The following NFIC variants were observed in gnomAD, a reference collection of about 807,000 sequenced individuals.
NFIC encodes the protein nuclear factor I C.
A neutral mutation model predicts 54.4 loss-of-function variants in NFIC; 12 were observed. The ratio of observed to expected loss-of-function variants is 0.22; its 90% CI spans 0.14 to 0.36. The LOEUF is 0.36. Ranked by LOEUF, NFIC falls within the 10% of genes least tolerant of loss-of-function variation. NFIC has a pLI of 1.00. For synonymous variants in NFIC, 322 were observed against 319.2 expected, an observed-to-expected ratio of 1.01 and a Z score of -0.09; for missense variants, 575 against 718.2, an observed-to-expected ratio of 0.80 and a Z score of 2.28.
chr19:3,445,870 G>A (rs1360786264), intron 6 of NFIC, among the ~76,000 whole-genome samples: 4 of 152,098 alleles, frequency 2.6e-5, no homozygotes, highest in Admixed American at 1.3e-4. Flanking sequence ...CCCAAGACAC[G>A]GTGACATCCT....
intron 2 of NFIC, among the ~76,000 whole-genome samples, chr19:3,402,103 T>C (rs1250703638): frequency 1.6e-4 from 25 of 152,162 alleles, no homozygotes. Context: ...TGAAGTGCAG[T>C]GGCACGATCT....
In NFIC at chr19:3,375,375, AC is replaced by A. The variant is rs1215337278; in HGVS notation, c.31-6332del. ...GCCGCGTCCCACTGTGCCCCCCACC[AC>A]CCCCACTGCCCGGCTTCCCTGGCCA... On this transcript the variant is annotated intron_variant, in intron 1 of 10. Coordinates refer to ENST00000443272, the MANE Select transcript of NFIC (RefSeq NM_001245002.2). This position sits in a 1 kb window ranked among gnomAD's most constrained non-coding sequence, Gnocchi z 4.6. Among the ~76,000 whole-genome samples, 2 of 148,228 alleles carry A rather than the reference AC, an allele frequency of 1.3e-5. No individual in the cohort carries two copies. The highest frequency in any genetic ancestry group is 3.0e-5 in the Non-Finnish European group (2 of 67,042).
chr19:3,426,388 C>T (rs994697299), intron 3 of NFIC, among the ~76,000 whole-genome samples: 3 of 152,172 alleles, frequency 2.0e-5, no homozygotes, highest in Admixed American at 6.6e-5. Flanking sequence ...CCTCATGGGG[C>T]GTCTAATAGA....
At chr19:3,417,165 G>A (rs1006472796) in intron 2 of NFIC, among the ~76,000 whole-genome samples, 4 of 151,784 alleles carry the variant, frequency 2.6e-5, no homozygotes, top group South Asian at 2.1e-4. Context: ...GATTACAGGC[G>A]TGTGCCACCA....
intron 1 of NFIC, among the ~76,000 whole-genome samples, chr19:3,377,903 C>T (rs142551834): frequency 5.9e-5 from 9 of 151,912 alleles, no homozygotes; most frequent in African/African-American, 1.4e-4. Flanking sequence ...ACTACAGACG[C>T]GCACCACAAA....
At chr19:3,364,704 C>G (rs984686810), upstream of NFIC, among the ~76,000 whole-genome samples, 1 of 152,108 alleles carries the variant, frequency 6.6e-6, no homozygotes, top group Admixed American at 6.6e-5. Context: ...CTTCACCTTC[C>G]AAAGGATTCT....
intron 6 of NFIC, among the ~76,000 whole-genome samples, chr19:3,438,476 C>T (rs1372890391): frequency 4.1e-5 from 6 of 144,884 alleles, no homozygotes; most frequent in South Asian, 2.2e-4. Context: ...CTCGCTCTGT[C>T]GCCCAGGCTG....
Position 3,453,884 on chromosome 19 carries a change from C to T in NFIC, c.1391C>T (p.Ser464Phe). 2.6e-6 allele frequency: 4 copies of T among 1,557,078 alleles called. No homozygotes were observed. Among genetic ancestry groups the T allele is most frequent in the Non-Finnish European group, 3.5e-6 (4 of 1,152,856 alleles). ...LPPATKPATT[S>F]EGGATSPTSP... ...CCTGCCACCAAACCCGCCACCACCT[C>T]CGAGGGAGGAGCCACGTCGCCGACC... The change falls in exon 9 of 11, where the codon TCC becomes TTC. Residue 464 changes from serine (S) to phenylalanine (F), a missense_variant. Around this residue, in one of 3 missense-constraint regions of NFIC, gnomAD observed 447 missense variants for 526.9 expected, o/e 0.85. Transcript: ENST00000443272. The surrounding 1 kb of genome is among the most constrained non-coding windows in gnomAD (Gnocchi z 6.7).
chr19:3,468,581 G>C lies in NFIC; in HGVS notation c.*5812G>C, dbSNP rs1046283319. On this transcript the variant is annotated 3_prime_UTR_variant, in exon 11 of 11. Transcript: ENST00000443272. ...TGGGGCAGGGCATACAGTGGGGGGT[G>C]GGGGGGCAGCTGGGAGGAGGGAGGG... is the stretch of plus-strand genomic sequence containing the variant. 2 of 151,898 alleles carry C rather than the reference G, an allele frequency of 1.3e-5. No homozygotes were observed. The highest frequency in any genetic ancestry group is 1.9e-4 in the East Asian group (1 of 5,176). The allele number at this position is 151,898 out of a possible 1,614,324, so 9.4% of individuals were successfully genotyped here. A position where few individuals can be genotyped will look rare whatever the true frequency, so the allele number is the denominator to read the frequency against.
At chr19:3,413,527 C>T (rs2081798999) in intron 2 of NFIC, among the ~76,000 whole-genome samples, 1 of 151,908 alleles carries the variant, frequency 6.6e-6, no homozygotes, top group African/African-American at 2.4e-5. Flanking sequence ...CGATTACCGT[C>T]CCCCATATGG....
chr19:3,394,454 T>A (rs1427222954), intron 2 of NFIC, among the ~76,000 whole-genome samples: 3 of 146,942 alleles, frequency 2.0e-5, no homozygotes, highest in African/African-American at 7.8e-5. Context: ...CATTCCAGCC[T>A]GGGTGACAGA....
At chr19:3,366,527 C>CGCGGG, upstream of NFIC, 2 of 366,412 alleles carry the variant, frequency 5.5e-6, no homozygotes, top group Non-Finnish European at 7.8e-6. Flanking sequence ...GCGCGCCGGC[C>CGCGGG]GCGGGGCGGG....
chr19:3,424,763 G>C (rs1052466733), intron 2 of NFIC, among the ~76,000 whole-genome samples: 4 of 152,208 alleles, frequency 2.6e-5, no homozygotes, highest in African/African-American at 9.6e-5. Flanking sequence ...GCACAGCTGG[G>C]ATTTGAACAT....
chr19:3,402,863 G>A (rs1208608416), intron 2 of NFIC, among the ~76,000 whole-genome samples: 1 of 152,188 alleles, frequency 6.6e-6, no homozygotes, highest in Non-Finnish European at 1.5e-5. Context: ...CCTGTGGCTG[G>A]AGCAGAGTGA....
intron 3 of NFIC, among the ~76,000 whole-genome samples, chr19:3,431,796 G>A (rs577257607): frequency 5.9e-5 from 9 of 152,248 alleles, no homozygotes; most frequent in African/African-American, 1.7e-4. Flanking sequence ...GAGCCACCAC[G>A]CCCGGCATCC....
chr19:3,392,031 T>G (rs2145504944), intron 2 of NFIC, among the ~76,000 whole-genome samples: 1 of 151,236 alleles, frequency 6.6e-6, no homozygotes, highest in South Asian at 2.1e-4. Flanking sequence ...GAATTGAGCA[T>G]AGGGGGTGCC....
chr19:3,395,913 C>CG (rs2081455374), intron 2 of NFIC, among the ~76,000 whole-genome samples: 1 of 152,064 alleles, frequency 6.6e-6, no homozygotes, highest in Non-Finnish European at 1.5e-5. Context: ...CTCCTGACCT[C>CG]GGGTCCCAAA....
At chr19:3,382,851 G>T (rs2081236035) in intron 2 of NFIC, among the ~76,000 whole-genome samples, 1 of 151,920 alleles carries the variant, frequency 6.6e-6, no homozygotes, top group Non-Finnish European at 1.5e-5. Flanking sequence ...TGCATGCAGG[G>T]CCCAGGGTGG....
chr19:3,419,496 C>T (rs2081919419), intron 2 of NFIC, among the ~76,000 whole-genome samples: 2 of 151,778 alleles, frequency 1.3e-5, no homozygotes, highest in Non-Finnish European at 2.9e-5. Context: ...AGGCCGAGCA[C>T]AGTGGCTCAC....
Sources: allele counts gnomAD v4.1 joint callset (sites outside exome capture counted in the v4.1 genomes callset), GRCh38; gene constraint gnomAD v4.1.1; regional missense constraint gnomAD v4.1.1; non-coding constraint Gnocchi (gnomAD v3.1); transcripts MANE v1.5; gene names NCBI Gene and HGNC (gene_info 2026-07-23, HGNC 2026-07-21).